Variants in TAFA1 observed in about 807,000 individuals in gnomAD.
TAFA1 encodes TAFA chemokine like family member 1, also known as chemokine-like protein TAFA-1.
TAFA1 carries 4 observed loss-of-function variants against 18.5 expected under a neutral mutation model. The ratio of observed to expected loss-of-function variants is 0.22; its 90% confidence interval spans 0.11 to 0.49. The LOEUF is 0.49. TAFA1 is among the 20% of genes least tolerant of loss of function. TAFA1 has a pLI of 0.98. For synonymous variants in TAFA1, 56 were observed against 55.2 expected (o/e 1.01, Z -0.06); for missense variants, 147 against 169.0 (o/e 0.87, Z 0.72).
intron 3 of TAFA1, among the ~76,000 whole-genome samples, chr3:68,490,409 T>TAA (rs1346515188): frequency 1.1e-4 from 17 of 152,064 alleles, no homozygotes; most frequent in Admixed American, 4.6e-4. Flanking sequence ...GAAAGAAAAA[T>TAA]ATCCATGATT....
chr3:68,055,739 C>T (rs1447568507), intron 2 of TAFA1, among the ~76,000 whole-genome samples: 11 of 152,102 alleles, frequency 7.2e-5, no homozygotes, highest in Admixed American at 6.5e-4. Context: ...GTCTGGAGTG[C>T]ATTTACACAG....
intron 2 of TAFA1, among the ~76,000 whole-genome samples, chr3:68,074,090 A>G (rs1221190591): frequency 6.6e-6 from 1 of 152,220 alleles, no homozygotes; most frequent in Non-Finnish European, 1.5e-5. Context: ...GATGGGAGAC[A>G]GTGACAGATC....
intron 3 of TAFA1, among the ~76,000 whole-genome samples, chr3:68,518,717 A>T (rs779779975): frequency 6.6e-6 from 1 of 152,168 alleles, no homozygotes; most frequent in Non-Finnish European, 1.5e-5. Flanking sequence ...GGGGAATGGA[A>T]CATGTAGAGG....
intron 2 of TAFA1, among the ~76,000 whole-genome samples, chr3:68,082,066 A>G (rs1002129984): frequency 6.6e-6 from 1 of 152,110 alleles, no homozygotes; most frequent in African/African-American, 2.4e-5. Flanking sequence ...GGTGGGAGTG[A>G]CCCAATTTTC....
intron 2 of TAFA1, among the ~76,000 whole-genome samples, chr3:68,103,432 C>T (rs2065171131): frequency 6.6e-6 from 1 of 152,132 alleles, no homozygotes; most frequent in Non-Finnish European, 1.5e-5. Context: ...TAAGTTCAGA[C>T]ACTAAATTTT....
At chr3:68,033,650 T>C (rs964783922) in intron 2 of TAFA1, among the ~76,000 whole-genome samples, 2 of 152,208 alleles carry the variant, frequency 1.3e-5, no homozygotes, top group Non-Finnish European at 2.9e-5. Flanking sequence ...AGATATTTAC[T>C]TATTAAGGAA....
At chr3:68,025,267 C>T (rs886979233) in intron 2 of TAFA1, among the ~76,000 whole-genome samples, 1 of 152,110 alleles carries the variant, frequency 6.6e-6, no homozygotes, top group Admixed American at 6.6e-5. Context: ...GAAAAGCTAT[C>T]TTTCTCTAAC....
At position 68,197,710 on chromosome 3, in the gene TAFA1, C is replaced by T. The variant is rs537414654; in HGVS notation, c.118+190966C>T. Reference sequence around the variant, plus strand: ...TTTGTCAAAACAGCAAGCAGGAGCCCTTGTTTAAAAACTTAACAAAAGTAC... The same window carrying T: ...TTTGTCAAAACAGCAAGCAGGAGCCTTTGTTTAAAAACTTAACAAAAGTAC... On this transcript the variant is annotated intron_variant, in intron 2 of 4. Transcript: ENST00000478136. 9.4e-4 allele frequency among the ~76,000 whole-genome samples: 142 copies of T among 151,650 alleles called. 1 individual carries two copies. The highest frequency in any genetic ancestry group is 3.1e-3 in the African/African-American group (129 of 41,454).
chr3:68,069,817 G>A (rs1464105870), intron 2 of TAFA1, among the ~76,000 whole-genome samples: 1 of 152,194 alleles, frequency 6.6e-6, no homozygotes, highest in Non-Finnish European at 1.5e-5. Context: ...ATACAGCAGG[G>A]CAGTCAAATC....
chr3:68,291,334 A>T (rs9859140), intron 2 of TAFA1, among the ~76,000 whole-genome samples: 9,859 of 152,268 alleles, frequency 0.065, 504 homozygotes, highest in African/African-American at 0.14. Flanking sequence ...GAAGGCACTT[A>T]AGAAAATAAT....
chr3:68,388,891 C>T (rs1416187218), intron 2 of TAFA1, among the ~76,000 whole-genome samples: 1 of 152,110 alleles, frequency 6.6e-6, no homozygotes, highest in Non-Finnish European at 1.5e-5. Flanking sequence ...GCCATTAATA[C>T]TTCAGCTTTA....
intron 2 of TAFA1, among the ~76,000 whole-genome samples, chr3:68,286,290 G>A (rs1490293874): frequency 6.6e-6 from 1 of 151,956 alleles, no homozygotes; most frequent in African/African-American, 2.4e-5. Flanking sequence ...ACCAGTATTA[G>A]GTGAGCTGAG....
chr3:67,995,509 C>T, the TAFA1 span, among the ~76,000 whole-genome samples: 1 of 152,148 alleles, frequency 6.6e-6, no homozygotes, highest in South Asian at 2.1e-4. Context: ...CTTGAACTCC[C>T]TTTTATAATT....
chr3:68,272,565 C>T (rs1008470088), intron 2 of TAFA1, among the ~76,000 whole-genome samples: 2 of 152,114 alleles, frequency 1.3e-5, no homozygotes, highest in African/African-American at 2.4e-5. Flanking sequence ...CACTTTTATT[C>T]TGTTTTTAAG....
rs75940529 is a variant in TAFA1, at chr3:68,171,774, T to C, written c.118+165030T>C. Among the ~76,000 whole-genome samples, 11 of 152,076 alleles carry C rather than the reference T, an allele frequency of 7.2e-5. No homozygotes were observed. The East Asian group carries it at 1.9e-3, about 27-fold the overall frequency. On this transcript the variant is annotated intron_variant, in intron 2 of 4. Transcript: ENST00000478136. ...ACTAAAAAGAGCCAAATACAGATTC[T>C]AGAGTTGAAAATTACAAAAACTGTA...
Position 68,297,475 on chromosome 3 carries a change from G to A in TAFA1, c.119-119805G>A, listed in dbSNP as rs545170420. 1.7e-3 allele frequency among the ~76,000 whole-genome samples: 254 copies of A among 152,206 alleles called. 1 individual carries two copies. The highest frequency in any genetic ancestry group is 6.0e-3 in the African/African-American group (250 of 41,536). On this transcript the variant is annotated intron_variant, in intron 2 of 4. Transcript: ENST00000478136. ...CAGCTACCCCCAACCCCAATTCCTAGAGATTCTGACTCCACAGATCTAGGG... is the reference window on the plus strand; with the variant it reads ...CAGCTACCCCCAACCCCAATTCCTAAAGATTCTGACTCCACAGATCTAGGG...
the TAFA1 span, among the ~76,000 whole-genome samples, chr3:67,994,457 T>C: frequency 6.6e-6 from 1 of 152,232 alleles, no homozygotes; most frequent in South Asian, 2.1e-4. Context: ...TCCATTGTTA[T>C]AGGCTGTGTG....
chr3:68,314,085 G>A (rs2068565840), intron 2 of TAFA1, among the ~76,000 whole-genome samples: 2 of 152,022 alleles, frequency 1.3e-5, no homozygotes, highest in South Asian at 4.2e-4. Flanking sequence ...GGCTCCCATC[G>A]TTCTTGTTTA....
chr3:68,112,235 T>A (rs2065271382), intron 2 of TAFA1, among the ~76,000 whole-genome samples: 1 of 152,184 alleles, frequency 6.6e-6, no homozygotes. Context: ...ATGAGTCCTG[T>A]CTAACTCATG....
Sources: allele counts gnomAD v4.1 joint callset (sites outside exome capture counted in the v4.1 genomes callset), GRCh38; gene constraint gnomAD v4.1.1; transcripts MANE v1.5; gene names NCBI Gene and HGNC (gene_info 2026-07-23, HGNC 2026-07-21).